KLF8: variants seen among roughly 807,000 people sequenced by gnomAD.
The protein encoded by KLF8 is KLF transcription factor 8, also known as Krueppel-like factor 8.
Under a neutral mutation model 18.2 loss-of-function variants are expected in KLF8, and 10 were observed. The ratio of observed to expected loss-of-function variants is 0.55; its 90% confidence interval spans 0.34 to 0.93. KLF8 has a LOEUF of 0.93. Ranked by LOEUF, KLF8 falls within the 40% of genes least tolerant of loss-of-function variation. KLF8 has a pLI of 0.02. For synonymous variants in KLF8, 109 were observed against 97.3 expected (o/e 1.12, Z -0.71); for missense variants, 264 against 277.9 (o/e 0.95, Z 0.36).
the KLF8 span, among the ~76,000 whole-genome samples, chrX:56,146,279 A>G: frequency 2.7e-5 from 3 of 112,080 alleles, no homozygotes; most frequent in African/African-American, 9.7e-5. Flanking sequence ...TTATTGTGGC[A>G]CTGTTAACAA....
chrX:55,975,127 T>G, the KLF8 span, among the ~76,000 whole-genome samples: 1 of 111,749 alleles, frequency 8.9e-6, no homozygotes, highest in East Asian at 2.8e-4. Context: ...AAAGGATGAC[T>G]AGAGGAGGCC....
At chrX:56,115,303 T>C in the KLF8 span, among the ~76,000 whole-genome samples, 3 of 110,708 alleles carry the variant, frequency 2.7e-5, no homozygotes, top group Non-Finnish European at 5.7e-5. Context: ...AAGTAAAAAA[T>C]AGTCAAAGTC....
the KLF8 span, among the ~76,000 whole-genome samples, chrX:56,151,552 T>G: frequency 1.8e-5 from 2 of 110,918 alleles, no homozygotes; most frequent in African/African-American, 3.3e-5. Flanking sequence ...CTCTGATTTT[T>G]GGGCTTGTGT....
chrX:56,140,907 T>A, the KLF8 span, among the ~76,000 whole-genome samples: 1 of 111,174 alleles, frequency 9.0e-6, no homozygotes, highest in Non-Finnish European at 1.9e-5. Context: ...TATTATCAAC[T>A]TTTTTAAAAA....
chrX:56,030,796 G>A, the KLF8 span, among the ~76,000 whole-genome samples: 1 of 108,260 alleles, frequency 9.2e-6, no homozygotes, highest in African/African-American at 3.4e-5. Context: ...TTGGGCTCTG[G>A]GTCAGACAGA....
chrX:56,027,433 C>T, the KLF8 span, among the ~76,000 whole-genome samples: 1 of 112,074 alleles, frequency 8.9e-6, no homozygotes, highest in Non-Finnish European at 1.9e-5. Context: ...TTCTTTCCCC[C>T]AGAATTTAAC....
chrX:56,187,332 G>A, the KLF8 span, among the ~76,000 whole-genome samples: 1 of 111,685 alleles, frequency 9.0e-6, no homozygotes, highest in South Asian at 3.8e-4. Context: ...GGAAGAAGTT[G>A]AATCTCTGCA....
chrX:56,047,567 C>G, the KLF8 span, among the ~76,000 whole-genome samples: 3 of 110,485 alleles, frequency 2.7e-5, no homozygotes, highest in Non-Finnish European at 5.7e-5. Context: ...TTTCCAGCTT[C>G]ATCCATGCCC....
the KLF8 span, among the ~76,000 whole-genome samples, chrX:56,065,598 A>T: frequency 2.8e-5 from 3 of 109,082 alleles, no homozygotes; most frequent in Non-Finnish European, 5.7e-5. Context: ...TCCTTTGGAG[A>T]TGTTGTCTTT....
chrX:56,057,308 C>T, the KLF8 span, among the ~76,000 whole-genome samples: 1 of 111,242 alleles, frequency 9.0e-6, no homozygotes, highest in African/African-American at 3.3e-5. Context: ...CTGTGCTTGC[C>T]AAGGCTCTGA....
chrX:56,145,052 C>T, the KLF8 span, among the ~76,000 whole-genome samples: 11 of 110,616 alleles, frequency 9.9e-5, no homozygotes. Context: ...CTTGACATCC[C>T]AAAGTCCTGG....
chrX:56,115,070 A>G, the KLF8 span, among the ~76,000 whole-genome samples: 7 of 111,488 alleles, frequency 6.3e-5, no homozygotes, highest in Non-Finnish European at 1.1e-4. Flanking sequence ...GGAATTTTCT[A>G]TTTGTGGTAA....
chrX:56,142,393 C>T, the KLF8 span, among the ~76,000 whole-genome samples: 1 of 111,430 alleles, frequency 9.0e-6, no homozygotes, highest in African/African-American at 3.3e-5. Context: ...TCCTACCTCT[C>T]TGGCTCTGGT....
chrX:55,973,985 A>G, the KLF8 span, among the ~76,000 whole-genome samples: 18 of 112,110 alleles, frequency 1.6e-4, no homozygotes, highest in Non-Finnish European at 3.4e-4. Context: ...CATATACACC[A>G]TGGAATAGTA....
chrX:55,936,598 G>GTA, the KLF8 span, among the ~76,000 whole-genome samples: 19 of 112,923 alleles, frequency 1.7e-4, no homozygotes, highest in Admixed American at 1.7e-3. Flanking sequence ...CGCAGGAAAC[G>GTA]CAAGGGGTCA....
chrX:56,079,550 C>T, the KLF8 span, among the ~76,000 whole-genome samples: 4 of 111,258 alleles, frequency 3.6e-5, no homozygotes, highest in Non-Finnish European at 7.5e-5. Context: ...CTGAGGAGAG[C>T]TTTACTTCCC....
At chrX:55,978,513 A>T in the KLF8 span, among the ~76,000 whole-genome samples, 1 of 112,056 alleles carries the variant, frequency 8.9e-6, no homozygotes, top group East Asian at 2.8e-4. Context: ...AGTATAGTTT[A>T]TGTACCATAA....
chrX:56,121,779 A>T, the KLF8 span, among the ~76,000 whole-genome samples: 7 of 112,166 alleles, frequency 6.2e-5, no homozygotes, highest in Non-Finnish European at 1.1e-4. Context: ...AAAGTAGTTG[A>T]TAGTCCTTAG....
the KLF8 span, among the ~76,000 whole-genome samples, chrX:56,182,727 G>A: frequency 1.8e-5 from 2 of 112,688 alleles, no homozygotes; most frequent in East Asian, 5.6e-4. Flanking sequence ...GAGTTTGTAG[G>A]AGGTCCCCTC....
Sources: allele counts gnomAD v4.1 joint callset (sites outside exome capture counted in the v4.1 genomes callset), GRCh38; gene constraint gnomAD v4.1.1; transcripts MANE v1.5; gene names NCBI Gene and HGNC (gene_info 2026-07-23, HGNC 2026-07-21).